TMEM229B: variants seen among roughly 807,000 people sequenced by gnomAD.
TMEM229B encodes chromosome 14 open reading frame 83.
TMEM229B carries 6 observed loss-of-function variants against 13.7 expected under a neutral mutation model. The observed-to-expected ratio is 0.44, with a 90% CI of 0.24 to 0.86. TMEM229B has a LOEUF of 0.86. TMEM229B is among the 40% of genes least tolerant of loss of function. The pLI is 0.23. For synonymous variants in TMEM229B, 107 were observed against 102.1 expected (o/e 1.05, Z -0.29); for missense variants, 170 against 236.0 (o/e 0.72, Z 1.83).
chr14:67,519,937 C>T (rs1475025835), upstream of TMEM229B, among the ~76,000 whole-genome samples: 2 of 151,796 alleles, frequency 1.3e-5, no homozygotes, highest in Non-Finnish European at 1.5e-5. Flanking sequence ...TGCTCAGGCT[C>T]ATTTTGAACT....
At chr14:67,509,465 C>T (rs948694344) in intron 1 of TMEM229B, among the ~76,000 whole-genome samples, 1 of 152,122 alleles carries the variant, frequency 6.6e-6, no homozygotes, top group Non-Finnish European at 1.5e-5. Context: ...ACTACAGGCA[C>T]GAGCCGCCAT....
chr14:67,516,350 G>A (rs192281436), upstream of TMEM229B, among the ~76,000 whole-genome samples: 4 of 152,184 alleles, frequency 2.6e-5, no homozygotes, highest in Admixed American at 2.0e-4. Context: ...TATGCATGCC[G>A]AGGCCTGATC....
chr14:67,478,435 T>C (rs939481208), intron 2 of TMEM229B, among the ~76,000 whole-genome samples: 2 of 152,252 alleles, frequency 1.3e-5, no homozygotes, highest in Non-Finnish European at 2.9e-5. Context: ...CCTCATCATG[T>C]CTCACCTGGA....
intron 2 of TMEM229B, among the ~76,000 whole-genome samples, chr14:67,482,940 A>T (rs559678216): frequency 1.9e-4 from 29 of 152,306 alleles, no homozygotes; most frequent in Non-Finnish European, 4.0e-4. Flanking sequence ...TCCATGTATT[A>T]ACTCAAAAAA....
intron 1 of TMEM229B, among the ~76,000 whole-genome samples, chr14:67,526,448 G>T (rs1211155752): frequency 3.3e-5 from 5 of 152,244 alleles, no homozygotes; most frequent in African/African-American, 9.6e-5. Context: ...GTAGGAAAAG[G>T]TATGCATTGC....
At chr14:67,485,366 T>G (rs2031813956) in intron 2 of TMEM229B, among the ~76,000 whole-genome samples, 1 of 152,196 alleles carries the variant, frequency 6.6e-6, no homozygotes, top group Non-Finnish European at 1.5e-5. Flanking sequence ...CAAACTGACT[T>G]TGTAAGCCCA....
At chr14:67,507,102 T>C (rs1044869243) in intron 1 of TMEM229B, among the ~76,000 whole-genome samples, 13 of 151,986 alleles carry the variant, frequency 8.6e-5, no homozygotes, top group African/African-American at 3.1e-4. Context: ...CTGGGCTGAG[T>C]ATATGGTTTA....
At chr14:67,524,430 G>C (rs2033336666) in intron 1 of TMEM229B, among the ~76,000 whole-genome samples, 1 of 152,132 alleles carries the variant, frequency 6.6e-6, no homozygotes, top group African/African-American at 2.4e-5. Flanking sequence ...TTAGGAGTGT[G>C]GACAAACATG....
At chr14:67,496,391 G>GTTGTTT (rs2032369829) in intron 1 of TMEM229B, among the ~76,000 whole-genome samples, 1 of 30,108 alleles carries the variant, frequency 3.3e-5, no homozygotes, top group Non-Finnish European at 5.8e-5. Flanking sequence ...CTGCTCCGGC[G>GTTGTTT]TTTTTTTTTT....
chr14:67,496,395 T>TTTTTTTG (rs2032373608), intron 1 of TMEM229B, among the ~76,000 whole-genome samples: 1 of 92,530 alleles, frequency 1.1e-5, no homozygotes, highest in African/African-American at 4.2e-5. Flanking sequence ...TCCGGCGTTT[T>TTTTTTTG]TTTTTTTTTT....
Position 67,496,724 on chromosome 14 carries a change from T to C in TMEM229B, c.-191-9552A>G, listed in dbSNP as rs7156024. On this transcript the variant is annotated intron_variant, in intron 1 of 2. Coordinates refer to the TMEM229B transcript ENST00000357461. ...TCTTTTCCCTTCCCCTTTTCTTTCTTTCTCTCTCTCTCTCTTTCTTTCCTT... is the reference window on the plus strand; with the variant it reads ...TCTTTTCCCTTCCCCTTTTCTTTCTCTCTCTCTCTCTCTCTTTCTTTCCTT... Among the ~76,000 whole-genome samples the C allele has an allele frequency of 5.4e-3, 806 of 147,974 alleles. 8 individuals carry two copies. Among genetic ancestry groups the C allele is most frequent in the African/African-American group, 0.019 (777 of 39,922 alleles).
chr14:67,530,024 G>A (rs1004445434), intron 1 of TMEM229B, among the ~76,000 whole-genome samples: 9 of 152,068 alleles, frequency 5.9e-5, no homozygotes, highest in African/African-American at 2.2e-4. Flanking sequence ...TGGGAAGCAG[G>A]GTTTCTAGAA....
Position 67,470,561 on chromosome 14 carries a change from C to T in TMEM229B, c.*2859G>A, listed in dbSNP as rs1057318337. The stretch of plus-strand genomic sequence containing the variant: ...ATCCCAGGGTGATGCCTACACAGCC[C>T]AGGGCTTCATAAATGCAGGTTCTCA... On this transcript the variant is annotated 3_prime_UTR_variant, in exon 3 of 3. Transcript: ENST00000554480. 6.5e-6 allele frequency: 1 copy of T among 152,688 alleles called. No individual in the cohort carries two copies. The highest frequency in any genetic ancestry group is 1.5e-5 in the Non-Finnish European group (1 of 68,108). The allele number at this position is 152,688 out of a possible 1,614,324, so 9.5% of individuals were successfully genotyped here. A position where few individuals can be genotyped will look rare whatever the true frequency, so the allele number is the denominator to read the frequency against.
At chr14:67,502,848 C>G (rs950588032) in intron 1 of TMEM229B, among the ~76,000 whole-genome samples, 4 of 152,164 alleles carry the variant, frequency 2.6e-5, no homozygotes, top group African/African-American at 9.7e-5. Context: ...TAAATACTTT[C>G]TGTGTGTAAA....
At chr14:67,502,627 C>G (rs1289932435) in intron 1 of TMEM229B, among the ~76,000 whole-genome samples, 1 of 151,718 alleles carries the variant, frequency 6.6e-6, no homozygotes, top group Non-Finnish European at 1.5e-5. Context: ...TAATTTTGTA[C>G]TTTTAGTAGA....
upstream of TMEM229B, among the ~76,000 whole-genome samples, chr14:67,489,724 C>T (rs890647191): frequency 2.6e-5 from 4 of 152,242 alleles, no homozygotes; most frequent in Admixed American, 1.3e-4. Context: ...GGCGCGGTGG[C>T]TCACGCCTGT....
At chr14:67,513,931 C>G (rs1305574961) in intron 1 of TMEM229B, among the ~76,000 whole-genome samples, 1 of 152,156 alleles carries the variant, frequency 6.6e-6, no homozygotes, top group Non-Finnish European at 1.5e-5. Context: ...CATTTGTTTT[C>G]TAGAGAGAAA....
chr14:67,524,580 TC>T (rs2033339288), intron 1 of TMEM229B, among the ~76,000 whole-genome samples: 1 of 152,160 alleles, frequency 6.6e-6, no homozygotes, highest in Non-Finnish European at 1.5e-5. Context: ...TTTCCTTCTT[TC>T]CTCAAATGGA....
chr14:67,508,142 A>T (rs888062094), intron 1 of TMEM229B, among the ~76,000 whole-genome samples: 1 of 151,254 alleles, frequency 6.6e-6, no homozygotes, highest in African/African-American at 2.4e-5. Context: ...TCTCAAAAAA[A>T]AAAAAAAGAG....
Sources: allele counts gnomAD v4.1 joint callset (sites outside exome capture counted in the v4.1 genomes callset), GRCh38; gene constraint gnomAD v4.1.1; transcripts MANE v1.5; gene names NCBI Gene and HGNC (gene_info 2026-07-23, HGNC 2026-07-21).